Variants in CFI observed in about 807,000 individuals in gnomAD.
The protein encoded by CFI is C3B/C4B inactivator.
In CFI, 66 loss-of-function variants were observed where a neutral mutation model predicts 78.8. That is an observed-to-expected ratio of 0.84 (90% CI 0.69 to 1.03). CFI has a LOEUF of 1.03. Among genes scored for constraint, CFI ranks in the 50% least tolerant of loss-of-function variants. CFI has a pLI of 0.00. For synonymous variants in CFI, 250 were observed against 232.6 expected (o/e 1.07, Z -0.68); for missense variants, 706 against 704.5 (o/e 1.00, Z -0.02).
At chr4:109,747,439 G>C (rs993269701) in intron 10 of CFI, among the ~76,000 whole-genome samples, 1 of 152,122 alleles carries the variant, frequency 6.6e-6, no homozygotes, top group African/African-American at 2.4e-5. Flanking sequence ...TTATAGGCGT[G>C]AGCCACCGCA....
At chr4:109,759,262 A>T (rs1049713693) in intron 6 of CFI, among the ~76,000 whole-genome samples, 18 of 102,938 alleles carry the variant, frequency 1.7e-4, no homozygotes, top group East Asian at 8.0e-4. Context: ...CTAAAAAAAA[A>T]AAAAATAATA....
chr4:109,738,593 C>T (rs1217727391), downstream of CFI, among the ~76,000 whole-genome samples: 1 of 152,152 alleles, frequency 6.6e-6, no homozygotes, highest in Middle Eastern at 3.2e-3. Flanking sequence ...CTTTGTGATG[C>T]TAAGGGACTT....
At chr4:109,784,157 A>G (rs1327919227) in intron 1 of CFI, among the ~76,000 whole-genome samples, 1 of 151,892 alleles carries the variant, frequency 6.6e-6, no homozygotes, top group Admixed American at 6.6e-5. Flanking sequence ...GTAACCAAAT[A>G]CCACCTGTAC....
intron 1 of CFI, among the ~76,000 whole-genome samples, chr4:109,767,777 A>G (rs960634438): frequency 6.6e-6 from 1 of 151,946 alleles, no homozygotes; most frequent in Non-Finnish European, 1.5e-5. Context: ...CCATCCCATT[A>G]CTGGGCATAT....
intron 12 of CFI, 123 bp from the exon 13 acceptor site, chr4:109,741,233 G>C (rs1396215471): frequency 1.3e-6 from 2 of 1,543,458 alleles, no homozygotes; most frequent in African/African-American, 2.7e-5. Flanking sequence ...AATAGCATGG[G>C]CTCTCCTTAG....
intron 1 of CFI, among the ~76,000 whole-genome samples, chr4:109,770,096 G>T (rs560771372): frequency 7.2e-5 from 11 of 152,246 alleles, no homozygotes; most frequent in Admixed American, 7.2e-4. Flanking sequence ...ATAAAATTAC[G>T]GGAAGCCATT....
At chr4:109,757,833 A>T in intron 6 of CFI, 50 bp from the exon 7 acceptor site, 1 of 1,379,098 alleles carries the variant, frequency 7.3e-7, no homozygotes, top group Admixed American at 1.9e-5. Flanking sequence ...TTTTGGAAAA[A>T]ATGCACACTA....
intron 7 of CFI, among the ~76,000 whole-genome samples, chr4:109,757,129 C>A (rs1281500759): frequency 1.1e-4 from 16 of 151,700 alleles, no homozygotes; most frequent in African/African-American, 3.4e-4. Context: ...CCCGGGTTCA[C>A]GCCATTCTCC....
At chr4:109,793,833 G>A (rs1211219524) in intron 1 of CFI, 1 of 152,222 alleles carries the variant, frequency 6.6e-6, no homozygotes, top group Non-Finnish European at 1.5e-5. Flanking sequence ...GCTACTTGTA[G>A]TGCATTTCCT....
chr4:109,761,013 G>T (rs1409822147), intron 4 of CFI, among the ~76,000 whole-genome samples: 1 of 152,060 alleles, frequency 6.6e-6, no homozygotes, highest in Non-Finnish European at 1.5e-5. Flanking sequence ...TTTACATTTT[G>T]GTGGTACTTT....
At chr4:109,793,355 G>A (rs2125867523) in intron 1 of CFI, 1 of 152,212 alleles carries the variant, frequency 6.6e-6, no homozygotes, top group South Asian at 2.1e-4. Context: ...TAACTCATGT[G>A]GGAAAGGAAA....
rs975944487 is a variant in CFI, at chr4:109,740,695, T to C, written c.*198A>G. 18 of 649,524 alleles carry C rather than the reference T, an allele frequency of 2.8e-5. No individual in the cohort carries two copies. The highest frequency in any genetic ancestry group is 4.9e-5 in the Non-Finnish European group (18 of 365,374). 40.2% of individuals were successfully genotyped at this position (649,524 alleles called of 1,614,324 possible). A position where few individuals can be genotyped will look rare whatever the true frequency, so the allele number is the denominator to read the frequency against. The stretch of plus-strand genomic sequence containing the variant: ...AAAATTTTCTGATAAATAAAACTTG[T>C]ATGCTTCACCAAAATATTTATTTGA... On this transcript the variant is annotated 3_prime_UTR_variant, in exon 13 of 13. Transcript: ENST00000394634.
intron 4 of CFI, among the ~76,000 whole-genome samples, chr4:109,760,846 AAGTC>A (rs1726964207): frequency 6.6e-6 from 1 of 152,200 alleles, no homozygotes; most frequent in Non-Finnish European, 1.5e-5. Context: ...TTATCTCTGA[AAGTC>A]AGTATTAATT....
rs77449037 is a variant in CFI, at chr4:109,740,749, A to G, written c.*144T>C. 2.3e-3 allele frequency: 1,867 copies of G among 799,092 alleles called. 24 individuals are homozygous for G. The African/African-American group carries it at 0.027, about 12-fold the overall frequency. 49.5% of individuals were successfully genotyped at this position (799,092 alleles called of 1,614,324 possible). On this transcript the variant is annotated 3_prime_UTR_variant, in exon 13 of 13. Transcript: ENST00000394634. ...TTATACAACAAAATTCCAATATGGC[A>G]TAAACTCTGTGGAGACCTTTAAAAA...
intron 4 of CFI, 91 bp from the exon 5 acceptor site, chr4:109,760,727 A>G (rs146560961): frequency 4.2e-5 from 33 of 782,684 alleles, no homozygotes; most frequent in Non-Finnish European, 7.4e-5. Context: ...AGTCATTAAG[A>G]GAAAGTTAAA....
chr4:109,792,618 C>T (rs1439331718), intron 1 of CFI, among the ~76,000 whole-genome samples: 1 of 152,012 alleles, frequency 6.6e-6, no homozygotes, highest in Non-Finnish European at 1.5e-5. Context: ...CTGTTTCTCT[C>T]TTTTATTCTG....
chr4:109,735,049 T>C, the CFI span, among the ~76,000 whole-genome samples: 2 of 152,170 alleles, frequency 1.3e-5, no homozygotes, highest in Admixed American at 1.3e-4. Context: ...ACTCTTGGGC[T>C]TAAGCAATCC....
chr4:109,746,418 G>T lies in CFI; in HGVS notation c.1233C>A (p.Tyr411Ter), dbSNP rs752671716. ...TTTCATGGAAAATAATTCTATCCAC[G>T]TATTCAATTACTATACGTTTAAGGT... is the stretch of plus-strand genomic sequence containing the variant. ...HPDLKRIVIE[Y>*]VDRIIFHENY... The change falls in exon 11 of 13, where the codon TAC becomes TAA. Residue 411 changes from tyrosine to a stop codon, truncating the protein, a stop_gained. Transcript: ENST00000394634. LOFTEE classifies it high-confidence loss of function. 1 of 1,613,522 alleles carries T rather than the reference G, an allele frequency of 6.2e-7. No homozygotes were observed. The highest frequency in any genetic ancestry group is 8.5e-7 in the Non-Finnish European group (1 of 1,179,774).
intron 1 of CFI, among the ~76,000 whole-genome samples, chr4:109,788,636 C>T (rs1731025323): frequency 6.6e-6 from 1 of 151,922 alleles, no homozygotes; most frequent in African/African-American, 2.4e-5. Flanking sequence ...ACAGCACAGA[C>T]ACTTTTAAAA....
Sources: gnomAD v4.1 joint callset for allele counts (sites outside exome capture counted in the v4.1 genomes callset) on GRCh38, gnomAD v4.1.1 for gene constraint, MANE v1.5 for transcripts, NCBI Gene and HGNC (gene_info 2026-07-23, HGNC 2026-07-21) for gene names.